NCOA2: variants seen among roughly 807,000 people sequenced by gnomAD.
NCOA2 encodes the protein nuclear receptor coactivator 2, also known as class E basic helix-loop-helix protein 75.
A neutral mutation model predicts 145.1 loss-of-function variants in NCOA2; 21 were observed. The ratio of observed to expected loss-of-function variants is 0.14; its 90% CI spans 0.10 to 0.21. The LOEUF is 0.21. Ranked by LOEUF, NCOA2 falls within the 10% of genes least tolerant of loss-of-function variation. The probability of loss-of-function intolerance (pLI) is 1.00; values close to 1 mark genes in which losing one functional copy is unlikely to be tolerated. For synonymous variants in NCOA2, 619 were observed against 637.5 expected, an observed-to-expected ratio of 0.97 and a Z score of 0.44; for missense variants, 1,472 against 1,837.6, an observed-to-expected ratio of 0.80 and a Z score of 3.64.
chr8:70,128,933 G>T lies in NCOA2; in HGVS notation c.3372C>A (p.Ile1124=). 1 of 1,610,798 alleles carries T rather than the reference G, an allele frequency of 6.2e-7. No homozygotes were observed. The highest frequency in any genetic ancestry group is 8.5e-7 in the Non-Finnish European group (1 of 1,178,346). ...PEQFSSQDSN[I]MLEQKAPVFP... ...AAACGGGCGCCTTCTGCTCCAGCATGATGTTGGAATCCTGACTTGAGAACT... is the reference window on the plus strand; with the variant it reads ...AAACGGGCGCCTTCTGCTCCAGCATTATGTTGGAATCCTGACTTGAGAACT... The change falls in exon 17 of 23, where the codon ATC becomes ATA. Residue 1124 remains isoleucine (I), a synonymous_variant. Transcript: ENST00000452400.
At chr8:70,229,687 C>T (rs1820968309) in intron 2 of NCOA2, among the ~76,000 whole-genome samples, 1 of 152,148 alleles carries the variant, frequency 6.6e-6, no homozygotes, top group African/African-American at 2.4e-5. Context: ...CCTACCTGAG[C>T]CAGCACGACC....
At chr8:70,281,355 CAAAAAAAAAAAA>C (rs372574771) in intron 2 of NCOA2, among the ~76,000 whole-genome samples, 31 of 61,020 alleles carry the variant, frequency 5.1e-4, no homozygotes, top group African/African-American at 1.5e-3. Flanking sequence ...GACCCTGTCT[CAAAAAAAAAAAA>C]AAAAAAAAAA....
chr8:70,127,883 G>A (rs933640573), intron 18 of NCOA2, among the ~76,000 whole-genome samples: 3 of 152,154 alleles, frequency 2.0e-5, no homozygotes, highest in African/African-American at 7.2e-5. Context: ...TCTATTTGGT[G>A]CCAAGATTTT....
chr8:70,392,213 A>G (rs1478228539), intron 1 of NCOA2, among the ~76,000 whole-genome samples: 4 of 152,226 alleles, frequency 2.6e-5, no homozygotes. Context: ...ACACACTGAA[A>G]TAACAGTATT....
intron 4 of NCOA2, among the ~76,000 whole-genome samples, chr8:70,199,036 C>A (rs927752366): frequency 1.3e-5 from 2 of 151,684 alleles, no homozygotes; most frequent in Non-Finnish European, 2.9e-5. Context: ...ACAGTCAGCA[C>A]AAATACAAGC....
chr8:70,118,662 C>T (rs1807420238), intron 22 of NCOA2, among the ~76,000 whole-genome samples: 1 of 151,820 alleles, frequency 6.6e-6, no homozygotes, highest in South Asian at 2.1e-4. Context: ...TGAACAACAA[C>T]CTTGTACTGT....
chr8:70,184,968 C>T (rs139467153), intron 4 of NCOA2, among the ~76,000 whole-genome samples: 1 of 152,334 alleles, frequency 6.6e-6, no homozygotes, highest in African/African-American at 2.4e-5. Flanking sequence ...TTTTCACTGA[C>T]ATCTTGCTCC....
At chr8:70,270,616 A>G (rs1174331521) in intron 2 of NCOA2, among the ~76,000 whole-genome samples, 4 of 152,168 alleles carry the variant, frequency 2.6e-5, no homozygotes, top group African/African-American at 9.7e-5. Flanking sequence ...TAATCCCATT[A>G]TTTGTTATAT....
chr8:70,437,513 C>T, the NCOA2 span, among the ~76,000 whole-genome samples: 909 of 152,214 alleles, frequency 6.0e-3, 6 homozygotes, highest in Non-Finnish European at 0.01. Flanking sequence ...CTGGTTTGAC[C>T]GAAGAAATAA....
At chr8:70,450,766 G>C in the NCOA2 span, among the ~76,000 whole-genome samples, 1 of 150,654 alleles carries the variant, frequency 6.6e-6, no homozygotes, top group Admixed American at 6.6e-5. Context: ...TTTTAGTAGA[G>C]ATGGGGGCCA....
At chr8:70,314,675 G>T (rs928536861) in intron 1 of NCOA2, among the ~76,000 whole-genome samples, 41 of 152,298 alleles carry the variant, frequency 2.7e-4, no homozygotes, top group African/African-American at 9.4e-4. Flanking sequence ...ATAATGAAAA[G>T]GATTGTTATT....
At chr8:70,290,831 AG>A (rs1826624465) in intron 2 of NCOA2, among the ~76,000 whole-genome samples, 2 of 152,308 alleles carry the variant, frequency 1.3e-5, no homozygotes, top group South Asian at 4.1e-4. Flanking sequence ...CAAAACTATA[AG>A]GTGTTTGATG....
intron 16 of NCOA2, among the ~76,000 whole-genome samples, chr8:70,129,358 A>G (rs1217064884): frequency 6.6e-6 from 1 of 152,214 alleles, no homozygotes; most frequent in African/African-American, 2.4e-5. Context: ...TCATATCTGT[A>G]GAGTTCATTT....
At position 70,141,345 on chromosome 8, in the gene NCOA2, G is replaced by A. The variant is rs767352400; in HGVS notation, c.2867C>T (p.Pro956Leu). 84 of 1,613,748 alleles carry A rather than the reference G, an allele frequency of 5.2e-5. No individual in the cohort carries two copies. Among genetic ancestry groups the A allele is most frequent in the East Asian group, 1.6e-4 (7 of 44,886 alleles). The change falls in exon 14 of 23, where the codon CCG (proline) becomes CTG (leucine). Residue 956 changes from proline (P) to leucine (L), a missense_variant. Pro to Leu is a moderately conservative substitution (Grantham distance 98). This residue lies in a region of NCOA2 where 953 missense variants were observed against 1,062.1 expected (regional missense o/e 0.90). Transcript: ENST00000452400. ...RPTMPSGEWA[P>L]QSSAVRVTCA... is the part of the protein sequence containing the mutation. ...GGTGACTCTCACAGCCGAACTCTGCGGTGCCCATTCTCCAGATGGCATAGT... is the reference window on the plus strand; with the variant it reads ...GGTGACTCTCACAGCCGAACTCTGCAGTGCCCATTCTCCAGATGGCATAGT...
chr8:70,334,339 CA>C (rs1218710068), intron 1 of NCOA2, among the ~76,000 whole-genome samples: 1 of 152,144 alleles, frequency 6.6e-6, no homozygotes, highest in Admixed American at 6.6e-5. Flanking sequence ...ACTGTCTTCC[CA>C]CACTTTAAGC....
intron 1 of NCOA2, among the ~76,000 whole-genome samples, chr8:70,385,654 T>C (rs1381791160): frequency 1.3e-5 from 2 of 152,188 alleles, no homozygotes; most frequent in Non-Finnish European, 2.9e-5. Flanking sequence ...TTTCAACTCC[T>C]GGCCTCATGT....
intron 1 of NCOA2, among the ~76,000 whole-genome samples, chr8:70,378,939 A>G (rs904904012): frequency 1.8e-4 from 27 of 152,070 alleles, no homozygotes. Context: ...TGATTTCCAC[A>G]TAGCTCCTAA....
intron 1 of NCOA2, among the ~76,000 whole-genome samples, chr8:70,351,501 T>C (rs901954516): frequency 4.6e-5 from 7 of 152,108 alleles, no homozygotes; most frequent in Non-Finnish European, 5.9e-5. Context: ...AATTTACACA[T>C]GAATATCAAC....
At chr8:70,246,877 A>T (rs897680854) in intron 2 of NCOA2, among the ~76,000 whole-genome samples, 12 of 152,194 alleles carry the variant, frequency 7.9e-5, no homozygotes, top group African/African-American at 2.9e-4. Context: ...GAGAGTTTTC[A>T]TTTCACAAAA....
Sources: gnomAD v4.1 joint callset for allele counts (sites outside exome capture counted in the v4.1 genomes callset) on GRCh38, gnomAD v4.1.1 for gene constraint, gnomAD v4.1.1 regional missense constraint, MANE v1.5 for transcripts, NCBI Gene and HGNC (gene_info 2026-07-23, HGNC 2026-07-21) for gene names.